Variants in DGKI observed in about 807,000 individuals in gnomAD.
DGKI encodes the protein DAG kinase iota.
In DGKI, 55 loss-of-function variants were observed where a neutral mutation model predicts 147.5. That is an observed-to-expected ratio of 0.37 (90% CI 0.30 to 0.47). The LOEUF (loss-of-function observed/expected upper bound fraction) is 0.47. Ranked by LOEUF, DGKI falls within the 20% of genes least tolerant of loss-of-function variation. The probability of loss-of-function intolerance (pLI) is 1.00; values close to 1 mark genes in which losing one functional copy is unlikely to be tolerated. For synonymous variants in DGKI, 469 were observed against 477.1 expected, an observed-to-expected ratio of 0.98 and a Z score of 0.22; for missense variants, 1,007 against 1,323.8, an observed-to-expected ratio of 0.76 and a Z score of 3.71.
At chr7:137,726,071 C>G (rs1359632582) in intron 1 of DGKI, among the ~76,000 whole-genome samples, 1 of 152,146 alleles carries the variant, frequency 6.6e-6, no homozygotes, top group Non-Finnish European at 1.5e-5. Flanking sequence ...TCTCCCACTG[C>G]CTGCTCTATA....
At chr7:137,472,581 A>C (rs1343375490) in intron 23 of DGKI, among the ~76,000 whole-genome samples, 2 of 150,412 alleles carry the variant, frequency 1.3e-5, no homozygotes, top group Non-Finnish European at 3.0e-5. Context: ...GTAACTATTT[A>C]TATGAGAATT....
At chr7:137,463,823 A>C (rs184198920) in intron 26 of DGKI, among the ~76,000 whole-genome samples, 2 of 152,342 alleles carry the variant, frequency 1.3e-5, no homozygotes, top group Non-Finnish European at 2.9e-5. Context: ...ACAGATGAGA[A>C]AACTGATTTT....
intron 28 of DGKI, among the ~76,000 whole-genome samples, chr7:137,436,013 C>T (rs1813266988): frequency 1.3e-5 from 2 of 152,138 alleles, no homozygotes; most frequent in Non-Finnish European, 2.9e-5. Context: ...CTCCTCACCT[C>T]AGGTGATCGC....
chr7:137,471,928 G>GTATATATAATATATACACATGTATATATT (rs1235297541), intron 23 of DGKI, among the ~76,000 whole-genome samples: 98 of 138,184 alleles, frequency 7.1e-4, no homozygotes, highest in Non-Finnish European at 1.2e-3. Context: ...ATGTATATAT[G>GTATATATAATATATACACATGTATATATT]TATATATAAT....
chr7:137,742,916 G>C (rs890274386), intron 1 of DGKI, among the ~76,000 whole-genome samples: 2 of 152,138 alleles, frequency 1.3e-5, no homozygotes, highest in Non-Finnish European at 2.9e-5. Context: ...AGTTCTAGTG[G>C]GAACTGGGCT....
At chr7:137,498,548 C>T (rs1816053687) in intron 21 of DGKI, among the ~76,000 whole-genome samples, 1 of 152,094 alleles carries the variant, frequency 6.6e-6, no homozygotes. Context: ...AAAGGAAAAA[C>T]CAGATTATAT....
intron 1 of DGKI, among the ~76,000 whole-genome samples, chr7:137,761,815 C>G (rs1795864359): frequency 6.6e-6 from 1 of 152,184 alleles, no homozygotes; most frequent in Admixed American, 6.5e-5. Context: ...ACTCCAGACC[C>G]ATACATCTGC....
At chr7:137,733,030 C>T (rs533393791) in intron 1 of DGKI, among the ~76,000 whole-genome samples, 1 of 152,086 alleles carries the variant, frequency 6.6e-6, no homozygotes, top group East Asian at 1.9e-4. Flanking sequence ...ATTCTTCAGT[C>T]CTTATCTTAA....
chr7:137,538,283 C>T (rs1005906548), intron 20 of DGKI, among the ~76,000 whole-genome samples: 8 of 152,110 alleles, frequency 5.3e-5, no homozygotes, highest in Admixed American at 1.3e-4. Context: ...TTTAATATAT[C>T]GAAAATATTT....
At chr7:137,596,935 G>A (rs966301053) in intron 12 of DGKI, among the ~76,000 whole-genome samples, 3 of 152,184 alleles carry the variant, frequency 2.0e-5, no homozygotes, top group African/African-American at 7.2e-5. Context: ...TAGATCCTAT[G>A]AGATCAGATT....
chr7:137,654,580 T>C (rs1290964097), intron 5 of DGKI, 152 bp downstream of exon 5: 1 of 662,706 alleles, frequency 1.5e-6, no homozygotes, highest in African/African-American at 1.8e-5. Flanking sequence ...TTGAAGATTT[T>C]ATTGATTGTG....
At chr7:137,645,656 T>A in intron 5 of DGKI, 119 bp from the exon 6 acceptor site, 1 of 868,512 alleles carries the variant, frequency 1.2e-6, no homozygotes. Context: ...AGCCTCGAAC[T>A]CCTCTGCTCA....
At chr7:137,423,311 C>A (rs1812653725) in intron 28 of DGKI, among the ~76,000 whole-genome samples, 1 of 152,164 alleles carries the variant, frequency 6.6e-6, no homozygotes. Context: ...CCCCTTCCTC[C>A]AACATCAGGC....
intron 1 of DGKI, among the ~76,000 whole-genome samples, chr7:137,696,812 C>T (rs766010606): frequency 3.3e-5 from 5 of 151,998 alleles, no homozygotes; most frequent in African/African-American, 7.3e-5. Flanking sequence ...AGAAGGTAAC[C>T]GTATTTTAAG....
chr7:137,494,221 G>C (rs981420902), intron 21 of DGKI, among the ~76,000 whole-genome samples: 3 of 152,152 alleles, frequency 2.0e-5, no homozygotes, highest in African/African-American at 7.2e-5. Context: ...GAGAAAAAGA[G>C]AAAGCAAGCA....
At chr7:137,541,932 A>G (rs1361301614) in intron 20 of DGKI, among the ~76,000 whole-genome samples, 6 of 152,234 alleles carry the variant, frequency 3.9e-5, no homozygotes, top group Non-Finnish European at 8.8e-5. Flanking sequence ...TTCACTCTAC[A>G]AAAGATATCA....
chr7:137,410,353 C>T (rs1237951524), intron 29 of DGKI, among the ~76,000 whole-genome samples: 2 of 152,068 alleles, frequency 1.3e-5, no homozygotes, highest in African/African-American at 2.4e-5. Flanking sequence ...TGCAGTGAGC[C>T]GAGATCGTGC....
At chr7:137,485,515 C>T in intron 22 of DGKI, 97 bp from the exon 23 acceptor site, 1 of 886,172 alleles carries the variant, frequency 1.1e-6, no homozygotes. Context: ...TTTAATATTA[C>T]TATGCTCATC....
intron 1 of DGKI, chr7:137,774,923 A>G (rs1178454448): frequency 6.6e-6 from 1 of 152,196 alleles, no homozygotes; most frequent in Non-Finnish European, 1.5e-5. Context: ...GTGGCTGCTA[A>G]CCATTTCTGA....
Sources: gnomAD v4.1 joint callset for allele counts (sites outside exome capture counted in the v4.1 genomes callset) on GRCh38, gnomAD v4.1.1 for gene constraint, MANE v1.5 for transcripts, NCBI Gene and HGNC (gene_info 2026-07-23, HGNC 2026-07-21) for gene names.